The following ZNF90 variants were observed in gnomAD, a reference collection of about 807,000 sequenced individuals.
ZNF90 encodes zinc finger protein HTF9.
ZNF90 carries 11 observed loss-of-function variants against 12.0 expected under a neutral mutation model. The ratio of observed to expected loss-of-function variants is 0.92; its 90% CI spans 0.58 to 1.52. ZNF90 has a LOEUF of 1.52. Ranked by LOEUF, ZNF90 falls within the 40% of genes most tolerant of loss-of-function variation. ZNF90 has a pLI of 0.00. For synonymous variants in ZNF90, 232 were observed against 240.1 expected, an observed-to-expected ratio of 0.97 and a Z score of 0.31; for missense variants, 765 against 711.5, an observed-to-expected ratio of 1.08 and a Z score of -0.86.
chr19:20,095,818 G>T (rs1369249609), intron 1 of ZNF90, among the ~76,000 whole-genome samples: 1 of 152,080 alleles, frequency 6.6e-6, no homozygotes, highest in Non-Finnish European at 1.5e-5. Flanking sequence ...AGCAGAGAAG[G>T]GGTAGAGACA....
intron 1 of ZNF90, among the ~76,000 whole-genome samples, chr19:20,103,820 GA>G (rs572472194): frequency 1.6e-3 from 231 of 142,154 alleles, no homozygotes; most frequent in South Asian, 4.0e-3. Context: ...AGATCTTCTG[GA>G]AAAAAAAAAA....
intron 1 of ZNF90, among the ~76,000 whole-genome samples, chr19:20,078,519 C>T (rs1374214893): frequency 1.3e-5 from 2 of 152,048 alleles, no homozygotes; most frequent in Non-Finnish European, 2.9e-5. Context: ...CTATTAAAAA[C>T]TTATGGGGCC....
chr19:20,094,522 C>T (rs574904993), intron 1 of ZNF90, among the ~76,000 whole-genome samples: 3 of 152,186 alleles, frequency 2.0e-5, no homozygotes, highest in Non-Finnish European at 4.4e-5. Context: ...CTTTTTTAAG[C>T]CCTTCAACTA....
At chr19:20,096,785 G>C (rs558737049) in intron 1 of ZNF90, among the ~76,000 whole-genome samples, 19 of 152,296 alleles carry the variant, frequency 1.2e-4, no homozygotes, top group African/African-American at 3.6e-4. Flanking sequence ...CCTGACACTA[G>C]CAACCAGGAG....
At chr19:20,108,414 A>G (rs2089057800) in intron 3 of ZNF90, among the ~76,000 whole-genome samples, 1 of 152,084 alleles carries the variant, frequency 6.6e-6, no homozygotes, top group African/African-American at 2.4e-5. Flanking sequence ...GGTTCAAGCA[A>G]TTCTTGTGCC....
At chr19:20,088,971 A>G (rs1207959885) in intron 1 of ZNF90, among the ~76,000 whole-genome samples, 1 of 152,186 alleles carries the variant, frequency 6.6e-6, no homozygotes, top group Non-Finnish European at 1.5e-5. Flanking sequence ...GGGGTAAGGA[A>G]GACTAGTGTA....
intron 1 of ZNF90, among the ~76,000 whole-genome samples, chr19:20,098,158 A>G (rs1323387729): frequency 6.6e-6 from 1 of 152,180 alleles, no homozygotes; most frequent in Non-Finnish European, 1.5e-5. Flanking sequence ...AACAGCCTCT[A>G]TTAGGGGATC....
At chr19:20,099,195 A>G (rs1191652361) in intron 1 of ZNF90, among the ~76,000 whole-genome samples, 3 of 150,836 alleles carry the variant, frequency 2.0e-5, no homozygotes. Context: ...TTTTTTTGAG[A>G]TGGTGTCTCA....
In ZNF90 at chr19:20,119,154, G is replaced by A. The variant is rs781869560; in HGVS notation, c.1600G>A (p.Ala534Thr). Residue 534 changes from alanine to threonine, a missense_variant, in exon 4 of 4, where the codon GCG (alanine) becomes ACG (threonine). Physicochemically the swap from Ala to Thr is moderately conservative, Grantham distance 58. Transcript: ENST00000418063. ...TAAACATAAGATAATTCATACTGGA[G>A]CGAAACCCTACAAATGTGAAGAATG... ...LSKHKIIHTG[A>T]KPYKCEECGK... is the part of the protein sequence containing the mutation. The A allele has an allele frequency of 3.1e-6, 5 of 1,612,056 alleles. No homozygotes were observed. The highest frequency in any genetic ancestry group is 1.1e-5 in the South Asian group (1 of 90,946).
intron 2 of ZNF90, among the ~76,000 whole-genome samples, 192 bp downstream of exon 2, chr19:20,104,557 T>G (rs1444231783): frequency 2.0e-5 from 3 of 152,238 alleles, no homozygotes; most frequent in Non-Finnish European, 4.4e-5. Flanking sequence ...ACTTTCCACT[T>G]TCCTGAGATG....
intron 3 of ZNF90, among the ~76,000 whole-genome samples, chr19:20,106,044 CT>C (rs56933917): frequency 0.028 from 1,981 of 71,102 alleles, 35 homozygotes; most frequent in South Asian, 0.064. Flanking sequence ...CTAATTTTTT[CT>C]TTTTTTTTTT....
chr19:20,097,442 A>T (rs532064326), intron 1 of ZNF90, among the ~76,000 whole-genome samples: 5 of 152,310 alleles, frequency 3.3e-5, no homozygotes, highest in African/African-American at 1.2e-4. Context: ...GAGAGGCTAG[A>T]TCAGATTTCT....
At chr19:20,100,563 T>C (rs868989628) in intron 1 of ZNF90, among the ~76,000 whole-genome samples, 1 of 152,170 alleles carries the variant, frequency 6.6e-6, no homozygotes, top group Admixed American at 6.5e-5. Context: ...GTTGATGACA[T>C]TGAAGGCACC....
chr19:20,104,402 C>G (rs782440932), intron 2 of ZNF90, 37 bp downstream of exon 2: 38 of 1,552,680 alleles, frequency 2.4e-5, no homozygotes, highest in Non-Finnish European at 2.9e-5. Context: ...ATAATATACC[C>G]TAAAGGTTGT....
At chr19:20,085,744 A>G (rs2088854540) in intron 1 of ZNF90, among the ~76,000 whole-genome samples, 1 of 152,192 alleles carries the variant, frequency 6.6e-6, no homozygotes. Flanking sequence ...AATTTAGATT[A>G]TATGTAGATA....
intron 1 of ZNF90, among the ~76,000 whole-genome samples, chr19:20,088,371 G>A (rs905678888): frequency 6.6e-6 from 1 of 152,142 alleles, no homozygotes; most frequent in African/African-American, 2.4e-5. Flanking sequence ...CGTATAGAAA[G>A]ATTGGTGATG....
Position 20,117,893 on chromosome 19 carries a change from A to T in ZNF90, c.339A>T (p.Leu113Phe), listed in dbSNP as rs782422186. 5.0e-6 allele frequency: 8 copies of T among 1,610,440 alleles called. 1 individual carries two copies. Among genetic ancestry groups the T allele is most frequent in the Non-Finnish European group, 6.8e-6 (8 of 1,178,578 alleles). ...YEKREYGNLE[L>F]KKGCESVDEG... ...AACGTGAATATGGCAATTTAGAGTT[A>T]AAAAAAGGTTGTGAAAGTGTGGATG... is the stretch of plus-strand genomic sequence containing the variant. The change falls in exon 4 of 4, where the codon TTA becomes TTT. Residue 113 changes from leucine (L) to phenylalanine (F), a missense_variant. Coordinates refer to ENST00000418063, the MANE Select transcript of ZNF90 (RefSeq NM_007138.2).
intron 1 of ZNF90, among the ~76,000 whole-genome samples, chr19:20,085,779 A>G (rs1555701965): frequency 1.3e-5 from 2 of 152,202 alleles, no homozygotes; most frequent in East Asian, 1.9e-4. Flanking sequence ...ATTGAAATAT[A>G]TGTAAATCAT....
intron 3 of ZNF90, among the ~76,000 whole-genome samples, chr19:20,114,156 T>G (rs1251477736): frequency 6.6e-6 from 1 of 152,064 alleles, no homozygotes; most frequent in Non-Finnish European, 1.5e-5. Flanking sequence ...CCAAGTGTGT[T>G]GGCATGCACC....
Sources: gnomAD v4.1 joint callset for allele counts (sites outside exome capture counted in the v4.1 genomes callset) on GRCh38, gnomAD v4.1.1 for gene constraint, MANE v1.5 for transcripts, NCBI Gene and HGNC (gene_info 2026-07-23, HGNC 2026-07-21) for gene names.